Variants in HEATR4 observed in about 807,000 individuals in gnomAD.
HEATR4 encodes HEAT repeat containing 4, also known as HEAT repeat-containing protein 4.
A neutral mutation model predicts 108.8 loss-of-function variants in HEATR4; 95 were observed. That is an observed-to-expected ratio of 0.87 (90% CI 0.74 to 1.04). The LOEUF (loss-of-function observed/expected upper bound fraction) is 1.04. Ranked by LOEUF, HEATR4 falls within the 50% of genes least tolerant of loss-of-function variation. The pLI, the probability that HEATR4 is intolerant of heterozygous loss-of-function variation, is 0.00. For synonymous variants in HEATR4, 443 were observed against 459.4 expected, an observed-to-expected ratio of 0.96 and a Z score of 0.46; for missense variants, 1,152 against 1,253.8, an observed-to-expected ratio of 0.92 and a Z score of 1.23.
chr14:73,491,747 A>C (rs1885765426), intron 17 of HEATR4: 1 of 1,557,090 alleles, frequency 6.4e-7, no homozygotes, highest in Non-Finnish European at 8.7e-7. Context: ...ACTTTTCTCT[A>C]CCGCTGACCT....
chr14:73,523,016 A>G lies in HEATR4; in HGVS notation c.137T>C (p.Val46Ala). ...GKEECASVSS[V>A]PMVFFSSQYR... is the part of the protein sequence containing the mutation. Reference sequence around the variant, plus strand: ...CTGTGAGCTGAAGAAGACCATAGGCACACTGGAGACAGAGGCACACTCCTC... The same window carrying G: ...CTGTGAGCTGAAGAAGACCATAGGCGCACTGGAGACAGAGGCACACTCCTC... Residue 46 changes from valine to alanine, a missense_variant, in exon 3 of 18, where the codon GTG (valine) becomes GCG (alanine). Physicochemically the swap from Val to Ala is moderately conservative, Grantham distance 64 (BLOSUM62 0). Transcript: ENST00000553558. 6.2e-7 allele frequency: 1 copy of G among 1,614,088 alleles called. No homozygotes were observed. The highest frequency in any genetic ancestry group is 1.3e-5 in the African/African-American group (1 of 74,988).
At chr14:73,534,259 A>G (rs1450590905) in intron 1 of HEATR4, among the ~76,000 whole-genome samples, 1 of 110,366 alleles carries the variant, frequency 9.1e-6, no homozygotes, top group Admixed American at 1.0e-4. Flanking sequence ...TGTGACTGTA[A>G]TCCCAGCTAC....
chr14:73,482,533 C>CAA (rs76082231), intron 17 of HEATR4, among the ~76,000 whole-genome samples: 6 of 151,424 alleles, frequency 4.0e-5, no homozygotes, highest in Admixed American at 2.0e-4. Context: ...CCATCTCAAA[C>CAA]AAAAAAAGGG....
chr14:73,494,680 A>G (rs1035738501), intron 16 of HEATR4, among the ~76,000 whole-genome samples: 10 of 152,062 alleles, frequency 6.6e-5, no homozygotes, highest in Non-Finnish European at 2.9e-5. Context: ...CCTCCTTAGT[A>G]GATAGGACTA....
chr14:73,593,885 A>G, the HEATR4 span: 2 of 1,612,426 alleles, frequency 1.2e-6, no homozygotes, highest in Non-Finnish European at 1.7e-6. Flanking sequence ...GCCGTATGCT[A>G]CATGCTTCAA....
intron 12 of HEATR4, 116 bp from the exon 13 acceptor site, chr14:73,499,256 G>A (rs551585887): frequency 3.2e-5 from 27 of 843,914 alleles, no homozygotes; most frequent in African/African-American, 2.0e-4. Context: ...CAAGGTGGGC[G>A]GATCACTTGA....
chr14:73,588,850 G>A, the HEATR4 span, among the ~76,000 whole-genome samples: 36 of 152,022 alleles, frequency 2.4e-4, no homozygotes, highest in African/African-American at 8.2e-4. Context: ...ATGAACCCTG[G>A]ACCCTCAGAT....
the HEATR4 span, chr14:73,592,191 A>G: frequency 7.5e-6 from 12 of 1,609,674 alleles, no homozygotes; most frequent in South Asian, 1.2e-4. Context: ...ACTCGAGCCC[A>G]TGGGGCTGCT....
chr14:73,600,603 C>G, the HEATR4 span, among the ~76,000 whole-genome samples: 12 of 151,908 alleles, frequency 7.9e-5, no homozygotes, highest in South Asian at 2.1e-4. Context: ...AGGCACCCAC[C>G]ACCACACCCG....
chr14:73,508,226 T>G lies in HEATR4; in HGVS notation c.1789A>C (p.Ile597Leu). 6.2e-7 allele frequency: 1 copy of G among 1,614,066 alleles called. No homozygotes were observed. The highest frequency in any genetic ancestry group is 8.5e-7 in the Non-Finnish European group (1 of 1,179,948). Residue 597 changes from isoleucine (I) to leucine (L), a missense_variant, in exon 9 of 18, where the codon ATT becomes CTT. Transcript: ENST00000553558. Reference sequence around the variant, plus strand: ...AACAGCTGGTGGAGGATCCTCTTAATCACAGGGTAAGTAGCAGTACCTTCC... The same window carrying G: ...AACAGCTGGTGGAGGATCCTCTTAAGCACAGGGTAAGTAGCAGTACCTTCC... Reference protein sequence around the residue: ...ALEGTATYPVIKRILHQLFTK... With the variant: ...ALEGTATYPVLKRILHQLFTK...
At chr14:73,604,140 G>A in the HEATR4 span, among the ~76,000 whole-genome samples, 49,083 of 146,882 alleles carry the variant, frequency 0.33, 9,539 homozygotes, top group East Asian at 0.64. Flanking sequence ...TCCAGTAGTT[G>A]TAAGATTTTT....
the HEATR4 span, chr14:73,595,139 A>G: frequency 6.2e-7 from 1 of 1,614,242 alleles, no homozygotes; most frequent in Non-Finnish European, 8.5e-7. Context: ...TGTCTCAGCC[A>G]CAGTTTCCAT....
intron 1 of HEATR4, among the ~76,000 whole-genome samples, chr14:73,545,809 T>C (rs116581620): frequency 0.034 from 3,725 of 110,194 alleles, 875 homozygotes; most frequent in African/African-American, 0.1. Context: ...GACCCTATTC[T>C]CCATTCTTAG....
intron 12 of HEATR4, 60 bp from the exon 13 acceptor site, chr14:73,499,200 G>A: frequency 6.9e-7 from 1 of 1,445,064 alleles, no homozygotes. Context: ...ACCAGAAACA[G>A]CTGGGTGCGG....
chr14:73,595,835 TAGA>T, the HEATR4 span: 2 of 678,022 alleles, frequency 2.9e-6, no homozygotes, highest in African/African-American at 1.8e-5. Context: ...TTGCTTGTTG[TAGA>T]AGATTAAGAG....
At chr14:73,611,710 CTG>C in the HEATR4 span, 1 of 152,096 alleles carries the variant, frequency 6.6e-6, no homozygotes, top group Non-Finnish European at 1.5e-5. Flanking sequence ...GATAAGAAAA[CTG>C]AATTTAGAGG....
At chr14:73,504,853 G>A (rs1001223162) in intron 10 of HEATR4, among the ~76,000 whole-genome samples, 5 of 152,110 alleles carry the variant, frequency 3.3e-5, no homozygotes, top group African/African-American at 7.2e-5. Context: ...GAAGATGATT[G>A]GGAAATAATG....
intron 2 of HEATR4, among the ~76,000 whole-genome samples, chr14:73,527,563 T>C (rs1387954393): frequency 7.0e-6 from 1 of 142,628 alleles, no homozygotes; most frequent in Non-Finnish European, 1.5e-5. Flanking sequence ...AGAAAAAAAA[T>C]CAAGCATCAC....
At chr14:73,500,125 G>T (rs1404584742) in intron 12 of HEATR4, among the ~76,000 whole-genome samples, 3 of 152,136 alleles carry the variant, frequency 2.0e-5, no homozygotes, top group Non-Finnish European at 2.9e-5. Flanking sequence ...AGCTACACAG[G>T]AGGCTGAGGC....
Sources: gnomAD v4.1 joint callset for allele counts (sites outside exome capture counted in the v4.1 genomes callset) on GRCh38, gnomAD v4.1.1 for gene constraint, MANE v1.5 for transcripts, NCBI Gene and HGNC (gene_info 2026-07-23, HGNC 2026-07-21) for gene names.